The following MYO15A variants were observed in gnomAD, a reference collection of about 807,000 sequenced individuals.
The protein encoded by MYO15A is myosin XVA.
Under a neutral mutation model 394.6 loss-of-function variants are expected in MYO15A, and 308 were observed. The observed-to-expected ratio is 0.78, with a 90% confidence interval of 0.71 to 0.86. MYO15A has a LOEUF of 0.86. Among genes scored for constraint, MYO15A ranks in the 40% least tolerant of loss-of-function variants. MYO15A has a pLI of 0.00. For synonymous variants in MYO15A, 1,957 were observed against 2,003.8 expected, an observed-to-expected ratio of 0.98 and a Z score of 0.62; for missense variants, 4,606 against 4,799.1, an observed-to-expected ratio of 0.96 and a Z score of 1.19.
Position 18,119,705 on chromosome 17 carries a change from G to A in MYO15A, c.905G>A (p.Gly302Glu). ...TATTACGGTGGCCCCTTTGATCCGG[G>A]GTACACCTACGGCTACGGCTACGAC... ...PDYYGGPFDP[G>E]YTYGYGYDDY... Residue 302 changes from glycine (G) to glutamate (E), a missense_variant, in exon 2 of 66, where the codon GGG becomes GAG. Physicochemically the swap from Gly to Glu is moderately conservative, Grantham distance 98. This residue lies in a region of MYO15A where 1,830 missense variants were observed against 1,689.7 expected (regional missense o/e 1.08). Transcript: ENST00000647165. The A allele has an allele frequency of 6.2e-7, 1 of 1,610,836 alleles. No individual in the cohort carries two copies. Among genetic ancestry groups the A allele is most frequent in the East Asian group, 2.2e-5 (1 of 44,838 alleles).
At chr17:18,169,957 C>T (rs1178250576) in intron 62 of MYO15A, among the ~76,000 whole-genome samples, 2 of 100,846 alleles carry the variant, frequency 2.0e-5, no homozygotes, top group Non-Finnish European at 3.6e-5. Context: ...GGTAACAGAG[C>T]AAGACCCTGT....
chr17:18,158,754 AC>A, intron 52 of MYO15A, 116 bp downstream of exon 52: 2 of 1,413,594 alleles, frequency 1.4e-6, no homozygotes, highest in Non-Finnish European at 1.0e-6. Flanking sequence ...GAGATGAGAG[AC>A]CACCCAGGTG....
rs1375801142 is a variant in MYO15A, at chr17:18,148,103, C to G, written c.6584C>G (p.Ala2195Gly). 3 of 1,613,946 alleles carry G rather than the reference C, an allele frequency of 1.9e-6. No homozygotes were observed. Among genetic ancestry groups the G allele is most frequent in the Non-Finnish European group, 2.5e-6 (3 of 1,180,040 alleles). Reference sequence around the variant, plus strand: ...CGCCTCATGCAGGCCATGGGCCGGGCCCAACAGCAGGGCTCGGGGGCTGCC... The same window carrying G: ...CGCCTCATGCAGGCCATGGGCCGGGGCCAACAGCAGGGCTCGGGGGCTGCC... ...QHRLMQAMGRAQQQGSGAART... is the reference protein window; with the variant it reads ...QHRLMQAMGRGQQQGSGAART... The change falls in exon 31 of 66, where the codon GCC becomes GGC. Residue 2195 changes from alanine (A) to glycine (G), a missense_variant. Transcript: ENST00000647165. The surrounding 1 kb of genome is among the most constrained non-coding windows in gnomAD (Gnocchi z 4.8).
Position 18,119,454 on chromosome 17 carries a change from C to A in MYO15A, c.654C>A (p.Gly218=). 1 of 1,612,664 alleles carries A rather than the reference C, an allele frequency of 6.2e-7. No individual in the cohort carries two copies. Among genetic ancestry groups the A allele is most frequent in the South Asian group, 1.1e-5 (1 of 91,086 alleles). The change falls in exon 2 of 66, where the codon GGC becomes GGA. Residue 218 remains glycine, a synonymous_variant. Transcript: ENST00000647165. The part of the protein sequence containing the change: ...FEDEAPFHHS[G]SRKSLYGLEG... ...ACGAGGCCCCATTCCATCACTCGGG[C>A]TCCCGCAAGTCGCTGTACGGGCTTG... is the stretch of plus-strand genomic sequence containing the variant.
At chr17:18,112,700 A>C (rs576209810) in intron 1 of MYO15A, among the ~76,000 whole-genome samples, 4 of 152,204 alleles carry the variant, frequency 2.6e-5, no homozygotes, top group Admixed American at 6.5e-5. Context: ...GAGCCAGCGC[A>C]CCTAGCCCAC....
In MYO15A at chr17:18,142,170, G is replaced by A. The variant is rs554421810; in HGVS notation, c.5741G>A (p.Arg1914His). The A allele has an allele frequency of 4.3e-6, 7 of 1,613,836 alleles. No individual in the cohort carries two copies. The highest frequency in any genetic ancestry group is 2.2e-5 in the South Asian group (2 of 91,084). Residue 1914 changes from arginine to histidine, a missense_variant, in exon 24 of 66, where the codon CGT becomes CAT. This residue lies in a region of MYO15A where 2,776 missense variants were observed against 3,109.3 expected (regional missense o/e 0.89). Transcript: ENST00000647165. ...GCCCTCACTCTGCAGCGCTGCCTCC[G>A]TGGCTTCTTCATTAAGCGGCGATTC... ...LAALTLQRCL[R>H]GFFIKRRFRS...
Position 18,121,273 on chromosome 17 carries a change from G to T in MYO15A, c.2473G>T (p.Ala825Ser). 1.4e-6 allele frequency: 2 copies of T among 1,385,358 alleles called. No homozygotes were observed. Among genetic ancestry groups the T allele is most frequent in the Non-Finnish European group, 1.9e-6 (2 of 1,074,490 alleles). 85.8% of individuals were successfully genotyped at this position (1,385,358 alleles called of 1,614,324 possible). ...GCCCCGCTCGCTGCAGGAGTCCCCA[G>T]CCCCACGCCGAGCCGCTGGGCGCCT... ...RRPRSLQESP[A>S]PRRAAGRLGP... Residue 825 changes from alanine to serine, a missense_variant, in exon 2 of 66, where the codon GCC (alanine) becomes TCC (serine). This residue lies in a region of MYO15A where 1,830 missense variants were observed against 1,689.7 expected (regional missense o/e 1.08). Transcript: ENST00000647165. The surrounding 1 kb of genome is among the most constrained non-coding windows in gnomAD (Gnocchi z 5.3).
rs547916646 is a variant in MYO15A at position 18,125,337 on chromosome 17, G to A, written c.3756+106G>A. 2,218 of 1,111,696 alleles carry A rather than the reference G, an allele frequency of 2.0e-3. 23 individuals are homozygous for A. The highest frequency in any genetic ancestry group is 0.014 in the South Asian group (1,108 of 81,014). 68.9% of individuals were successfully genotyped at this position (1,111,696 alleles called of 1,614,324 possible). On this transcript the variant is annotated intron_variant, in intron 4 of 65. Coordinates refer to ENST00000647165, the MANE Select transcript of MYO15A (RefSeq NM_016239.4). ...TCTCTTGTGGGCCCTAGCCCCTGTGGCCTCTGCCTAGAATGCCAGAGCCTA... is the reference window on the plus strand; with the variant it reads ...TCTCTTGTGGGCCCTAGCCCCTGTGACCTCTGCCTAGAATGCCAGAGCCTA...
In MYO15A at chr17:18,126,451, T is replaced by A. The variant is rs746632951; in HGVS notation, c.3861T>A (p.Asn1287Lys). 25 of 1,612,708 alleles carry A rather than the reference T, an allele frequency of 1.6e-5. No homozygotes were observed. Among genetic ancestry groups the A allele is most frequent in the Non-Finnish European group, 2.0e-5 (24 of 1,179,680 alleles). ...ACAACGGACGGGCCCTGGGAGAGAATCCCCCGTGAGTGTCTCGGGGGCGCT... is the reference window on the plus strand; with the variant it reads ...ACAACGGACGGGCCCTGGGAGAGAAACCCCCGTGAGTGTCTCGGGGGCGCT... ...QQYNGRALGENPPHLFAVANL... is the reference protein window; with the variant it reads ...QQYNGRALGEKPPHLFAVANL... The change falls in exon 5 of 66, where the codon AAT becomes AAA. Residue 1287 changes from asparagine (N) to lysine (K), a missense_variant. Transcript: ENST00000647165.
Position 18,173,807 on chromosome 17 carries a change from G to A in MYO15A, c.10377G>A (p.Lys3459=). ...THELMVKFPL[K]EIQSTRTQRP... ...AATTGATGGTGAAGTTCCCCCTGAA[G>A]GAGATCCAGTCGACGCGGACCCAGC... Residue 3459 remains lysine (K), a synonymous_variant, in exon 65 of 66, where the codon AAG becomes AAA. Coordinates refer to ENST00000647165, the MANE Select transcript of MYO15A (RefSeq NM_016239.4). 6.2e-7 allele frequency: 1 copy of A among 1,614,012 alleles called. No individual in the cohort carries two copies. Among genetic ancestry groups the A allele is most frequent in the Non-Finnish European group, 8.5e-7 (1 of 1,180,024 alleles).
chr17:18,172,037 CCAGACCAAGGGCT>C (rs2046949577), intron 63 of MYO15A, 107 bp from the exon 64 acceptor site: 2 of 1,547,788 alleles, frequency 1.3e-6, no homozygotes, highest in Admixed American at 3.5e-5. Flanking sequence ...GGGAGGAGAC[CCAGACCAAGGGCT>C]TCTGCACTGG....
chr17:18,127,858 T>TATATATAC (rs2046080972), intron 7 of MYO15A, among the ~76,000 whole-genome samples: 1 of 134,588 alleles, frequency 7.4e-6, no homozygotes, highest in Non-Finnish European at 1.6e-5. Context: ...TATATATATA[T>TATATATAC]ATACACTTAT....
chr17:18,157,488 C>A, intron 50 of MYO15A: 2 of 960,828 alleles, frequency 2.1e-6, no homozygotes, highest in Non-Finnish European at 3.1e-6. Context: ...CCTGAGAGTC[C>A]ACAAACCCTG....
At chr17:18,134,930 G>T (rs1271475059) in intron 12 of MYO15A, among the ~76,000 whole-genome samples, 6 of 151,732 alleles carry the variant, frequency 4.0e-5, no homozygotes, top group Non-Finnish European at 5.9e-5. Context: ...GCTCAGGCTG[G>T]AGTACAGTGG....
At position 18,132,366 on chromosome 17, in the gene MYO15A, T is replaced by C. The variant is rs2142303543; in HGVS notation, c.4207-87T>C. The C allele has an allele frequency of 9.6e-7, 1 of 1,042,084 alleles. No homozygotes were observed. Among genetic ancestry groups the C allele is most frequent in the South Asian group, 1.3e-5 (1 of 78,554 alleles). 64.6% of individuals were successfully genotyped at this position (1,042,084 alleles called of 1,614,324 possible). ...TGCAGCCCACTGTGTGCATGTGCAC[T>C]TGTGGGCAGGCTTGGGCTTGTATGT... On this transcript the variant is annotated intron_variant, in intron 10 of 65. Transcript: ENST00000647165. The surrounding 1 kb of genome is among the most constrained non-coding windows in gnomAD (Gnocchi z 4.6).
chr17:18,128,702 G>A (rs891553197), intron 7 of MYO15A, among the ~76,000 whole-genome samples: 3 of 152,196 alleles, frequency 2.0e-5, no homozygotes, highest in African/African-American at 4.8e-5. Flanking sequence ...TTCAGTTATC[G>A]TCACACCGGA....
chr17:18,141,699 G>A lies in MYO15A; in HGVS notation c.5578G>A (p.Asp1860Asn). Residue 1860 changes from aspartate (D) to asparagine (N), a missense_variant, in exon 23 of 66, where the codon GAC (aspartate) becomes AAC (asparagine). By Grantham distance (23) the Asp-to-Asn change is conservative. Transcript: ENST00000647165. ...CAAGCATGACCTGCCGGCTAATGGG[G>A]ACATGTGTGTGTCAGTGCTGAGTCG... is the stretch of plus-strand genomic sequence containing the variant. Reference protein sequence around the residue: ...ALKHDLPANGDMCVSVLSRLC... With the variant: ...ALKHDLPANGNMCVSVLSRLC... The A allele has an allele frequency of 6.2e-7, 1 of 1,614,146 alleles. No individual in the cohort carries two copies. Among genetic ancestry groups the A allele is most frequent in the Non-Finnish European group, 8.5e-7 (1 of 1,180,046 alleles).
chr17:18,111,798 C>T (rs1252442113), intron 1 of MYO15A, among the ~76,000 whole-genome samples: 1 of 152,210 alleles, frequency 6.6e-6, no homozygotes, highest in African/African-American at 2.4e-5. Flanking sequence ...CCACTGTGCC[C>T]AGCTCTCCGC....
At chr17:18,175,465 A>G (rs890786253) in intron 65 of MYO15A, among the ~76,000 whole-genome samples, 1 of 151,132 alleles carries the variant, frequency 6.6e-6, no homozygotes, top group Non-Finnish European at 1.5e-5. Flanking sequence ...TAATTTTTGT[A>G]TTTTTAGCAG....
Sources: gnomAD v4.1 joint callset for allele counts (sites outside exome capture counted in the v4.1 genomes callset) on GRCh38, gnomAD v4.1.1 for gene constraint, gnomAD v4.1.1 regional missense constraint, Gnocchi (gnomAD v3.1) non-coding constraint, MANE v1.5 for transcripts, NCBI Gene and HGNC (gene_info 2026-07-23, HGNC 2026-07-21) for gene names.